APOOL: variants seen among roughly 807,000 people sequenced by gnomAD.
APOOL encodes the protein MICOS complex subunit MIC27.
A neutral mutation model predicts 23.1 loss-of-function variants in APOOL; 12 were observed. That is an observed-to-expected ratio of 0.52 (90% CI 0.33 to 0.84). The LOEUF is 0.84. APOOL is among the 40% of genes least tolerant of loss of function. APOOL has a pLI of 0.02. For synonymous variants in APOOL, 77 were observed against 69.9 expected (o/e 1.10, Z -0.51); for missense variants, 212 against 199.6 (o/e 1.06, Z -0.37).
rs914100788 is a variant in APOOL, at chrX:85,090,173, A to G, written c.*2495A>G. The stretch of plus-strand genomic sequence containing the variant: ...ACACATTCAAAGTAGGAAATAGCAG[A>G]TAAAAATGTACACAAGATGCGTCTG... On this transcript the variant is annotated 3_prime_UTR_variant, in exon 9 of 9. Coordinates refer to ENST00000373173, the MANE Select transcript of APOOL (RefSeq NM_198450.6). The G allele has an allele frequency of 1.8e-5, 2 of 111,088 alleles. No individual in the cohort carries two copies. Among genetic ancestry groups the G allele is most frequent in the African/African-American group, 6.5e-5 (2 of 30,565 alleles). The allele number at this position is 111,088 out of a possible 1,213,427, so 9.2% of individuals were successfully genotyped here. A position where few individuals can be genotyped will look rare whatever the true frequency, so the allele number is the denominator to read the frequency against.
In APOOL at chrX:85,038,790, A is replaced by G. The variant is rs770508279; in HGVS notation, c.16-7656A>G. 3.8e-5 allele frequency among the ~76,000 whole-genome samples: 4 copies of G among 105,524 alleles called. No homozygotes were observed. In the South Asian group the frequency reaches 1.6e-3, roughly 42 times the overall value. 91.6% of individuals were successfully genotyped at this position (105,524 alleles called of 115,157 possible). A position where few individuals can be genotyped will look rare whatever the true frequency, so the allele number is the denominator to read the frequency against. ...GTCATTTCTGATTGTGTTTATTTGG[A>G]TCTTCTTTTTTTCACTATTAGTCTA... is the stretch of plus-strand genomic sequence containing the variant. On this transcript the variant is annotated intron_variant, in intron 1 of 8. Transcript: ENST00000373173.
chrX:85,019,322 A>C (rs765748760), intron 1 of APOOL, among the ~76,000 whole-genome samples: 1 of 112,261 alleles, frequency 8.9e-6, no homozygotes, highest in Non-Finnish European at 1.9e-5. Context: ...TAGTGCCCCC[A>C]TAATAGAGAT....
rs187511300 is a variant in APOOL at position 85,042,690 on chromosome X, A to G, written c.16-3756A>G. Among the ~76,000 whole-genome samples, 590 of 111,966 alleles carry G rather than the reference A, an allele frequency of 5.3e-3. 6 individuals are homozygous for G. Among genetic ancestry groups the G allele is most frequent in the African/African-American group, 0.018 (563 of 30,852 alleles). ...TATTGATGCAAAAATCCTCAACAAAATACCAGCAAATCAAATTCCAAAACA... is the reference window on the plus strand; with the variant it reads ...TATTGATGCAAAAATCCTCAACAAAGTACCAGCAAATCAAATTCCAAAACA... On this transcript the variant is annotated intron_variant, in intron 1 of 8. Transcript: ENST00000373173.
chrX:85,081,734 C>T (rs771387507), intron 8 of APOOL, among the ~76,000 whole-genome samples: 2 of 111,800 alleles, frequency 1.8e-5, no homozygotes, highest in South Asian at 7.6e-4. Context: ...ACCCATCAAA[C>T]GTAGATTTGG....
At position 85,064,001 on chromosome X, in the gene APOOL, G is replaced by T. The variant is rs1368083294; in HGVS notation, c.395-3126G>T. Among the ~76,000 whole-genome samples the T allele has an allele frequency of 2.7e-5, 3 of 110,660 alleles. No homozygotes were observed. The Admixed American group carries it at 2.9e-4, about 11-fold the overall frequency. On this transcript the variant is annotated intron_variant, in intron 5 of 8. Transcript: ENST00000373173. ...TAGAATTCAGCTGTAAATGCATCTGGTCCTGAGCTTTTTTTGGATAGTAGG... is the reference window on the plus strand; with the variant it reads ...TAGAATTCAGCTGTAAATGCATCTGTTCCTGAGCTTTTTTTGGATAGTAGG...
chrX:85,021,989 G>GA (rs758254713), intron 1 of APOOL, among the ~76,000 whole-genome samples: 25 of 111,409 alleles, frequency 2.2e-4, no homozygotes, highest in Admixed American at 6.7e-4. Flanking sequence ...GGATAACCTA[G>GA]AAAAAAACTG....
rs184402243 is a variant in APOOL, at chrX:85,025,305, G to A, written c.16-21141G>A. Among the ~76,000 whole-genome samples the A allele has an allele frequency of 1.5e-4, 17 of 111,767 alleles. 1 individual carries two copies. Among genetic ancestry groups the A allele is most frequent in the African/African-American group, 5.2e-4 (16 of 30,768 alleles). On this transcript the variant is annotated intron_variant, in intron 1 of 8. Transcript: ENST00000373173. ...ATGCAAACACCTCCCACTAGGTCTC[G>A]CATTCAGCATTGGGGATTGTGATTC...
At chrX:85,028,095 A>G (rs1921904422) in intron 1 of APOOL, among the ~76,000 whole-genome samples, 1 of 112,032 alleles carries the variant, frequency 8.9e-6, no homozygotes, top group African/African-American at 3.2e-5. Flanking sequence ...TTAAGTTTTT[A>G]TAGCTGCTGT....
intron 1 of APOOL, among the ~76,000 whole-genome samples, chrX:85,044,825 A>G (rs1429902419): frequency 8.9e-6 from 1 of 111,837 alleles, no homozygotes; most frequent in East Asian, 2.8e-4. Context: ...TTTATAGTCT[A>G]CATATTATTA....
chrX:85,028,213 G>C (rs1488626922), intron 1 of APOOL, among the ~76,000 whole-genome samples: 1 of 110,825 alleles, frequency 9.0e-6, no homozygotes, highest in Non-Finnish European at 1.9e-5. Flanking sequence ...TGTTCCTTCT[G>C]GGAGTTTTAG....
intron 5 of APOOL, among the ~76,000 whole-genome samples, chrX:85,064,319 T>A (rs1923357837): frequency 9.2e-6 from 1 of 108,350 alleles, no homozygotes; most frequent in African/African-American, 3.4e-5. Context: ...TTTTTGTTTT[T>A]TTCAAAAAAA....
intron 1 of APOOL, among the ~76,000 whole-genome samples, chrX:85,014,391 C>A (rs1250324055): frequency 9.1e-6 from 1 of 110,077 alleles, no homozygotes. Context: ...TTTTAAATTG[C>A]ATTATTGTTT....
chrX:85,082,718 G>A (rs779192706), intron 8 of APOOL, among the ~76,000 whole-genome samples: 4 of 111,785 alleles, frequency 3.6e-5, no homozygotes, highest in Admixed American at 1.9e-4. Context: ...TGGCAGAGTC[G>A]AGCACTTGTG....
chrX:85,051,459 G>A lies in APOOL; in HGVS notation c.191G>A (p.Gly64Asp), dbSNP rs1922774721. The A allele has an allele frequency of 8.3e-7, 1 of 1,209,098 alleles. No individual in the cohort carries two copies. The highest frequency in any genetic ancestry group is 1.1e-6 in the Non-Finnish European group (1 of 894,847). ...GAGCAGCCTGGTCATTTACAAATGG[G>A]CTTTGCTTCCATCCGCACTGCAACT... ...VEEQPGHLQM[G>D]FASIRTATGC... Residue 64 changes from glycine (G) to aspartate (D), a missense_variant, in exon 3 of 9, where the codon GGC (glycine) becomes GAC (aspartate). Physicochemically the swap from Gly to Asp is moderately conservative, Grantham distance 94. Coordinates refer to ENST00000373173, the MANE Select transcript of APOOL (RefSeq NM_198450.6).
chrX:85,083,900 C>T (rs1924198480), intron 8 of APOOL, among the ~76,000 whole-genome samples: 1 of 111,128 alleles, frequency 9.0e-6, no homozygotes, highest in South Asian at 3.8e-4. Flanking sequence ...TGTAATAACA[C>T]CAACTTTTTG....
At chrX:85,024,570 G>A (rs2147479091) in intron 1 of APOOL, among the ~76,000 whole-genome samples, 2 of 112,369 alleles carry the variant, frequency 1.8e-5, no homozygotes, top group Admixed American at 1.9e-4. Flanking sequence ...GCTTGATCCA[G>A]TTTTCCCCTG....
chrX:85,057,866 A>G (rs1368263919), intron 5 of APOOL, among the ~76,000 whole-genome samples: 1 of 110,581 alleles, frequency 9.0e-6, no homozygotes, highest in Non-Finnish European at 1.9e-5. Flanking sequence ...TTTGAAGGAA[A>G]TTGTCCAAAA....
chrX:85,079,590 T>C (rs1233024923), intron 8 of APOOL, among the ~76,000 whole-genome samples: 3 of 111,933 alleles, frequency 2.7e-5, no homozygotes, highest in Non-Finnish European at 5.6e-5. Context: ...GGTATCAGGA[T>C]GATGCTGGCC....
At chrX:85,077,933 TG>T (rs1347346557) in intron 8 of APOOL, among the ~76,000 whole-genome samples, 7 of 111,893 alleles carry the variant, frequency 6.3e-5, no homozygotes, top group Non-Finnish European at 1.3e-4. Flanking sequence ...CACTTTTTGA[TG>T]GGGTTGTTTT....
Sources: gnomAD v4.1 joint callset for allele counts (sites outside exome capture counted in the v4.1 genomes callset) on GRCh38, gnomAD v4.1.1 for gene constraint, MANE v1.5 for transcripts, NCBI Gene and HGNC (gene_info 2026-07-23, HGNC 2026-07-21) for gene names.